The following SGCZ variants were observed in gnomAD, a reference collection of about 807,000 sequenced individuals.
SGCZ encodes zeta-sarcoglycan.
SGCZ carries 40 observed loss-of-function variants against 41.3 expected under a neutral mutation model. The ratio of observed to expected loss-of-function variants is 0.97; its 90% CI spans 0.75 to 1.26. SGCZ has a LOEUF of 1.26. SGCZ is among the 50% of genes most tolerant of loss of function. The pLI, the probability that SGCZ is intolerant of heterozygous loss-of-function variation, is 0.00. For synonymous variants in SGCZ, 206 were observed against 137.5 expected (o/e 1.50, Z -3.49); for missense variants, 552 against 369.8 (o/e 1.49, Z -4.04).
chr8:15,224,319 A>G (rs990196736), intron 1 of SGCZ, among the ~76,000 whole-genome samples: 2 of 152,224 alleles, frequency 1.3e-5, no homozygotes, highest in African/African-American at 4.8e-5. Context: ...ATTAAAAACT[A>G]AAAGAAGGGA....
intron 2 of SGCZ, among the ~76,000 whole-genome samples, chr8:14,355,558 A>G (rs539362458): frequency 6.6e-6 from 1 of 152,008 alleles, no homozygotes; most frequent in Non-Finnish European, 1.5e-5. Flanking sequence ...AAAACTCAAT[A>G]ATAACGTATA....
chr8:15,173,593 T>A (rs1303546394), intron 1 of SGCZ, among the ~76,000 whole-genome samples: 1 of 152,174 alleles, frequency 6.6e-6, no homozygotes, highest in Non-Finnish European at 1.5e-5. Flanking sequence ...TTAAGATGCA[T>A]TTTTAAAAGC....
intron 1 of SGCZ, among the ~76,000 whole-genome samples, chr8:14,825,651 G>A (rs182780860): frequency 2.6e-5 from 4 of 152,158 alleles, no homozygotes; most frequent in Admixed American, 2.6e-4. Flanking sequence ...TTAGTACAAC[G>A]GAACTTGCTT....
intron 3 of SGCZ, among the ~76,000 whole-genome samples, chr8:14,271,275 C>A (rs1227135159): frequency 6.6e-6 from 1 of 151,450 alleles, no homozygotes; most frequent in Non-Finnish European, 1.5e-5. Context: ...GAATCGTGTT[C>A]TTTAGAAATT....
In SGCZ at chr8:14,934,957, T is replaced by TA. The variant is rs539142418; in HGVS notation, c.39+302627dup. On this transcript the variant is annotated intron_variant, in intron 1 of 7. Transcript: ENST00000382080. ...AATAATCCTTCAAAGCCCCTCAACT[T>TA]AGAGTTATTCAGAGTTATTCATCCA... 6.0e-4 allele frequency among the ~76,000 whole-genome samples: 89 copies of TA among 148,956 alleles called. 1 individual carries two copies. In the South Asian group the frequency reaches 0.019, roughly 31 times the overall value.
intron 1 of SGCZ, among the ~76,000 whole-genome samples, chr8:14,935,624 A>G (rs772462884): frequency 6.6e-6 from 1 of 151,946 alleles, no homozygotes; most frequent in Non-Finnish European, 1.5e-5. Flanking sequence ...AAAGGTGCAG[A>G]TAAAAAGTCA....
At chr8:14,854,968 C>T (rs1431042124) in intron 1 of SGCZ, among the ~76,000 whole-genome samples, 1 of 151,312 alleles carries the variant, frequency 6.6e-6, no homozygotes, top group Admixed American at 6.6e-5. Context: ...TGGGAAATCC[C>T]GCTCCCGACT....
intron 1 of SGCZ, among the ~76,000 whole-genome samples, chr8:15,099,851 T>A (rs1806533953): frequency 6.6e-6 from 1 of 151,960 alleles, no homozygotes; most frequent in African/African-American, 2.4e-5. Context: ...GAGGAAAAAT[T>A]ACATGATCAT....
chr8:14,920,193 G>T (rs945469978), intron 1 of SGCZ, among the ~76,000 whole-genome samples: 1 of 152,022 alleles, frequency 6.6e-6, no homozygotes, highest in African/African-American at 2.4e-5. Flanking sequence ...TGGAGGGCTG[G>T]GATTGCTGCC....
intron 1 of SGCZ, among the ~76,000 whole-genome samples, chr8:15,034,027 T>A (rs1008118832): frequency 1.3e-5 from 2 of 152,074 alleles, no homozygotes; most frequent in African/African-American, 4.8e-5. Context: ...ATGTACAGGC[T>A]TCAACCTAAA....
chr8:14,700,266 T>C (rs1809094307), intron 1 of SGCZ, among the ~76,000 whole-genome samples: 2 of 152,024 alleles, frequency 1.3e-5, no homozygotes, highest in South Asian at 2.1e-4. Context: ...CATAGGATAC[T>C]ACACAGCCAT....
Position 15,022,847 on chromosome 8 carries a change from A to G in SGCZ, c.39+214738T>C, listed in dbSNP as rs561226275. Among the ~76,000 whole-genome samples the G allele has an allele frequency of 2.6e-5, 4 of 152,286 alleles. No homozygotes were observed. The East Asian group carries it at 7.7e-4, about 29-fold the overall frequency. ...CAAATAGTCTTGTGCAAGAATTACT[A>G]TTTTCTACATTTCATAGATAAAGAC... On this transcript the variant is annotated intron_variant, in intron 1 of 7. Transcript: ENST00000382080.
chr8:14,556,425 T>C (rs1804037605), intron 1 of SGCZ, among the ~76,000 whole-genome samples: 1 of 151,114 alleles, frequency 6.6e-6, no homozygotes, highest in African/African-American at 2.4e-5. Flanking sequence ...AATCCTACTG[T>C]AGATAAAATG....
intron 2 of SGCZ, among the ~76,000 whole-genome samples, chr8:14,386,333 A>G (rs1439945882): frequency 2.6e-5 from 4 of 152,136 alleles, no homozygotes; most frequent in African/African-American, 9.7e-5. Flanking sequence ...TAGTAATTGA[A>G]AAGTCTATGA....
chr8:14,086,258 A>G lies in SGCZ; in HGVS notation c.*4185T>C, dbSNP rs139392002. ...AAAATTTGGCTATTAAATACTTTCA[A>G]TGATTTTAATAATTTAACATTATTA... On this transcript the variant is annotated 3_prime_UTR_variant, in exon 8 of 8. Transcript: ENST00000382080. Among the ~76,000 whole-genome samples, 371 of 151,802 alleles carry G rather than the reference A, an allele frequency of 2.4e-3. 3 individuals are homozygous for G. Among genetic ancestry groups the G allele is most frequent in the African/African-American group, 8.7e-3 (361 of 41,508 alleles).
chr8:14,348,849 A>C (rs1014991424), intron 2 of SGCZ, among the ~76,000 whole-genome samples: 3 of 152,140 alleles, frequency 2.0e-5, no homozygotes, highest in African/African-American at 7.2e-5. Flanking sequence ...TCATTTTCTA[A>C]ACTTTACAAA....
chr8:14,650,366 T>G (rs1807357814), intron 1 of SGCZ, among the ~76,000 whole-genome samples: 1 of 152,022 alleles, frequency 6.6e-6, no homozygotes, highest in South Asian at 2.1e-4. Context: ...AACTTGTATT[T>G]TAGCTTCAGG....
At chr8:14,649,465 C>T (rs949026147) in intron 1 of SGCZ, among the ~76,000 whole-genome samples, 1 of 152,024 alleles carries the variant, frequency 6.6e-6, no homozygotes, top group Non-Finnish European at 1.5e-5. Flanking sequence ...AGCAGCCACC[C>T]TGGGATCCTG....
At chr8:14,950,135 A>G (rs1800585599) in intron 1 of SGCZ, among the ~76,000 whole-genome samples, 2 of 152,012 alleles carry the variant, frequency 1.3e-5, no homozygotes, top group South Asian at 2.1e-4. Flanking sequence ...GGGGTAGTGT[A>G]TTTTCTTTTG....
Sources: gnomAD v4.1 joint callset for allele counts (sites outside exome capture counted in the v4.1 genomes callset) on GRCh38, gnomAD v4.1.1 for gene constraint, MANE v1.5 for transcripts, NCBI Gene and HGNC (gene_info 2026-07-23, HGNC 2026-07-21) for gene names.